KMT2A: variants seen among roughly 807,000 people sequenced by gnomAD.
The protein encoded by KMT2A is lysine methyltransferase 2A, also known as histone-lysine N-methyltransferase 2A.
A neutral mutation model predicts 345.3 loss-of-function variants in KMT2A; 16 were observed. That is an observed-to-expected ratio of 0.05 (90% CI 0.03 to 0.07). The LOEUF (loss-of-function observed/expected upper bound fraction) is 0.07, where lower values mean the gene tolerates loss of function less well. Among genes scored for constraint, KMT2A ranks in the 10% least tolerant of loss-of-function variants. The pLI, the probability that KMT2A is intolerant of heterozygous loss-of-function variation, is 1.00. For synonymous variants in KMT2A, 1,599 were observed against 1,778.6 expected, an observed-to-expected ratio of 0.90 and a Z score of 2.54; for missense variants, 3,272 against 4,841.6, an observed-to-expected ratio of 0.68 and a Z score of 9.62.
At chr11:118,488,418 ACC>A (rs1950267335) in intron 10 of KMT2A, 194 bp from the exon 11 acceptor site, 7 of 648,694 alleles carry the variant, frequency 1.1e-5, no homozygotes, top group South Asian at 6.5e-5. Flanking sequence ...CACTGGTATT[ACC>A]ACTTTAGTAC....
chr11:118,492,200 C>T (rs1950334850), intron 15 of KMT2A, among the ~76,000 whole-genome samples: 1 of 152,206 alleles, frequency 6.6e-6, no homozygotes, highest in African/African-American at 2.4e-5. Context: ...TCACCCAAGA[C>T]AGTAACCTGA....
At chr11:118,480,394 T>C (rs1555038915) in intron 6 of KMT2A, among the ~76,000 whole-genome samples, 156 bp downstream of exon 6, 1 of 152,120 alleles carries the variant, frequency 6.6e-6, no homozygotes, top group African/African-American at 2.4e-5. Flanking sequence ...TGGGGGTTGA[T>C]TGGACTATTT....
chr11:118,499,498 C>G, intron 23 of KMT2A, 78 bp downstream of exon 23: 1 of 962,944 alleles, frequency 1.0e-6, no homozygotes, highest in Admixed American at 1.7e-5. Flanking sequence ...ATAAAATGAC[C>G]CTCAGCCAGG....
At chr11:118,446,004 C>CA (rs1202823410) in intron 1 of KMT2A, among the ~76,000 whole-genome samples, 15 of 149,988 alleles carry the variant, frequency 1.0e-4, no homozygotes, top group South Asian at 6.3e-4. Flanking sequence ...ACTCTGTCTC[C>CA]AAAAAAAAGA....
chr11:118,452,213 A>G (rs1445935852), intron 1 of KMT2A, among the ~76,000 whole-genome samples: 1 of 152,190 alleles, frequency 6.6e-6, no homozygotes, highest in Non-Finnish European at 1.5e-5. Flanking sequence ...GCTCTGAATC[A>G]GGAGATTTTA....
At chr11:118,479,084 T>G (rs183969521) in intron 5 of KMT2A, among the ~76,000 whole-genome samples, 5 of 152,360 alleles carry the variant, frequency 3.3e-5, no homozygotes, top group African/African-American at 4.8e-5. Context: ...CATTTATCCT[T>G]TGTATTACAA....
Position 118,521,108 on chromosome 11 carries a change from A to C in KMT2A, c.11514-180A>C. On this transcript the variant is annotated intron_variant, in intron 34 of 35. Coordinates refer to ENST00000534358, the MANE Select transcript of KMT2A (RefSeq NM_001197104.2). This position sits in a 1 kb window ranked among gnomAD's most constrained non-coding sequence, Gnocchi z 5.3. The stretch of plus-strand genomic sequence containing the variant: ...CTGCTTCCAGCGGGTCACAGAATGG[A>C]AATAACTTTCATCTTTGGCCATGTG... The C allele has an allele frequency of 1.4e-6, 1 of 699,844 alleles. No individual in the cohort carries two copies. Among genetic ancestry groups the C allele is most frequent in the South Asian group, 1.9e-5 (1 of 53,146 alleles). The allele number at this position is 699,844 out of a possible 1,614,324, so 43.4% of individuals were successfully genotyped here.
At chr11:118,458,524 TACAA>T (rs1208644880) in intron 1 of KMT2A, among the ~76,000 whole-genome samples, 4 of 152,272 alleles carry the variant, frequency 2.6e-5, no homozygotes, top group Non-Finnish European at 4.4e-5. Context: ...ATTTTCATTT[TACAA>T]ACATTTATTG....
At position 118,482,058 on chromosome 11, in the gene KMT2A, G is replaced by A; in HGVS notation, c.3978G>A (p.Glu1326=). Reference sequence around the variant, plus strand: ...AAGTTCCCAAAACCACTCCTAGTGAGCCCAAGAAAAAGCAGCCTCCACCAC... The same window carrying A: ...AAGTTCCCAAAACCACTCCTAGTGAACCCAAGAAAAAGCAGCCTCCACCAC... The part of the protein sequence containing the change: ...RKEVPKTTPS[E]PKKKQPPPPE... Residue 1326 remains glutamate, a synonymous_variant, in exon 7 of 36, where the codon GAG becomes GAA. Transcript: ENST00000534358. The A allele has an allele frequency of 6.2e-7, 1 of 1,610,422 alleles. No homozygotes were observed. Among genetic ancestry groups the A allele is most frequent in the Non-Finnish European group, 8.5e-7 (1 of 1,178,830 alleles).
chr11:118,448,835 G>A (rs1194418252), intron 1 of KMT2A: 1 of 152,178 alleles, frequency 6.6e-6, no homozygotes, highest in African/African-American at 2.4e-5. Context: ...TTGGCAAAGC[G>A]AAGGGCAGTT....
intron 1 of KMT2A, among the ~76,000 whole-genome samples, chr11:118,437,215 T>G (rs1591332943): frequency 9.4e-6 from 1 of 106,356 alleles, no homozygotes; most frequent in Non-Finnish European, 1.9e-5. Flanking sequence ...ACAGACCCCC[T>G]CGCCGGGGTT....
chr11:118,489,094 G>A (rs1246320995), intron 11 of KMT2A, among the ~76,000 whole-genome samples: 2 of 151,880 alleles, frequency 1.3e-5, no homozygotes, highest in Non-Finnish European at 2.9e-5. Context: ...GTGGTGGTGG[G>A]CACCTGTAGT....
rs782251728 is a variant in KMT2A at position 118,519,709 on chromosome 11, C to T, written c.11238C>T (p.Tyr3746=). The T allele has an allele frequency of 6.2e-7, 1 of 1,614,192 alleles. No individual in the cohort carries two copies. ...QLSGAKHCRN[Y]KFRFHKPEEA... ...CTGGTGCCAAGCACTGTCGAAATTA[C>T]AAATTCCGTTTCCACAAGCCAGAGG... is the stretch of plus-strand genomic sequence containing the variant. Residue 3746 remains tyrosine, a synonymous_variant, in exon 32 of 36, where the codon TAC becomes TAT. Transcript: ENST00000534358.
At chr11:118,451,207 CTTTTT>C (rs1167567348) in intron 1 of KMT2A, among the ~76,000 whole-genome samples, 4 of 121,012 alleles carry the variant, frequency 3.3e-5, no homozygotes, top group Non-Finnish European at 5.2e-5. Context: ...CTATCTAATT[CTTTTT>C]TTTTTTTTTT....
At chr11:118,440,908 A>T (rs545808942) in intron 1 of KMT2A, among the ~76,000 whole-genome samples, 5 of 151,718 alleles carry the variant, frequency 3.3e-5, no homozygotes, top group African/African-American at 1.2e-4. Flanking sequence ...ACACAAGCAG[A>T]GTGGAGTGCA....
chr11:118,467,285 G>A (rs1555034304), intron 1 of KMT2A, among the ~76,000 whole-genome samples: 1 of 151,754 alleles, frequency 6.6e-6, no homozygotes, highest in Admixed American at 6.6e-5. Context: ...GCTGAGGCAA[G>A]AGAATCGCTT....
chr11:118,474,581 T>A (rs536265496), intron 3 of KMT2A, among the ~76,000 whole-genome samples: 2 of 152,322 alleles, frequency 1.3e-5, no homozygotes, highest in East Asian at 3.9e-4. Context: ...GATAGCTGGA[T>A]TGGCATCTGT....
Position 118,489,699 on chromosome 11 carries a change from A to C in KMT2A, c.4480-93A>C, listed in dbSNP as rs1950294004. On this transcript the variant is annotated intron_variant, in intron 11 of 35. Coordinates refer to ENST00000534358, the MANE Select transcript of KMT2A (RefSeq NM_001197104.2). ...AAACTCATAATTGTGTGCTGTACTT[A>C]CTTGCCAGTAAATGTGAAATGGGGT... is the stretch of plus-strand genomic sequence containing the variant. 7.3e-6 allele frequency: 7 copies of C among 954,638 alleles called. No individual in the cohort carries two copies. The Admixed American group carries it at 1.3e-4, about 18-fold the overall frequency. The allele number at this position is 954,638 out of a possible 1,614,324, so 59.1% of individuals were successfully genotyped here.
Position 118,504,814 on chromosome 11 carries a change from A to C in KMT2A, c.8922A>C (p.Glu2974Asp). 6.2e-7 allele frequency: 1 copy of C among 1,614,130 alleles called. No homozygotes were observed. ...CAGAAAAATCTGTAGCCTCCTCTGA[A>C]AGTGACCCAGCACTGCTGAGCCCAG... The part of the protein sequence containing the change: ...TITEKSVASS[E>D]SDPALLSPGV... Residue 2974 changes from glutamate (E) to aspartate (D), a missense_variant, in exon 27 of 36, where the codon GAA becomes GAC. Physicochemically the swap from Glu to Asp is conservative, Grantham distance 45. Coordinates refer to ENST00000534358, the MANE Select transcript of KMT2A (RefSeq NM_001197104.2). This position sits in a 1 kb window ranked among gnomAD's most constrained non-coding sequence, Gnocchi z 6.4.
Sources: gnomAD v4.1 joint callset for allele counts (sites outside exome capture counted in the v4.1 genomes callset) on GRCh38, gnomAD v4.1.1 for gene constraint, Gnocchi (gnomAD v3.1) non-coding constraint, MANE v1.5 for transcripts, NCBI Gene and HGNC (gene_info 2026-07-23, HGNC 2026-07-21) for gene names.